PPM1D: variants seen among roughly 807,000 people sequenced by gnomAD.
The protein encoded by PPM1D is protein phosphatase, Mg2+/Mn2+ dependent 1D, also known as protein phosphatase 1D.
In PPM1D, 52 loss-of-function variants were observed where a neutral mutation model predicts 58.3. That is an observed-to-expected ratio of 0.89 (90% CI 0.71 to 1.12). PPM1D has a LOEUF of 1.12. Ranked by LOEUF, PPM1D falls within the 50% of genes most tolerant of loss-of-function variation. The probability of loss-of-function intolerance (pLI) is 0.00; values close to 1 mark genes in which losing one functional copy is unlikely to be tolerated. For synonymous variants in PPM1D, 278 were observed against 285.1 expected (o/e 0.98, Z 0.25); for missense variants, 564 against 777.2 (o/e 0.73, Z 3.26).
chr17:60,631,051 A>G (rs927980892), intron 2 of PPM1D, among the ~76,000 whole-genome samples: 1 of 152,198 alleles, frequency 6.6e-6, no homozygotes, highest in Non-Finnish European at 1.5e-5. Context: ...ACTTATTTAA[A>G]CTAGTTCTTG....
intron 2 of PPM1D, among the ~76,000 whole-genome samples, chr17:60,628,876 C>T (rs1053507275): frequency 3.3e-5 from 5 of 152,090 alleles, no homozygotes; most frequent in African/African-American, 4.8e-5. Context: ...TGCCAGTACT[C>T]GTATGGTTTC....
At position 60,636,966 on chromosome 17, in the gene PPM1D, GA is replaced by G. The variant is rs1325008975; in HGVS notation, c.826+2990del. Among the ~76,000 whole-genome samples the G allele has an allele frequency of 1.9e-3, 199 of 106,988 alleles. 1 individual carries two copies. The highest frequency in any genetic ancestry group is 5.2e-3 in the African/African-American group (188 of 36,498). The allele number at this position is 106,988 out of a possible 152,430, so 70.2% of individuals were successfully genotyped here. A position where few individuals can be genotyped will look rare whatever the true frequency, so the allele number is the denominator to read the frequency against. ...GTGCGACAGCGCTCAGCCTACTCAT[GA>G]TTTTTTTTTTTTTTTTTTTAGACAG... On this transcript the variant is annotated intron_variant, in intron 3 of 5. Transcript: ENST00000305921.
At chr17:60,632,284 G>A (rs548985633) in intron 2 of PPM1D, among the ~76,000 whole-genome samples, 1 of 151,944 alleles carries the variant, frequency 6.6e-6, no homozygotes, top group African/African-American at 2.4e-5. Context: ...TCTTACTCTT[G>A]TAACTCCCAA....
intron 1 of PPM1D, among the ~76,000 whole-genome samples, chr17:60,613,485 C>T (rs538490390): frequency 8.5e-5 from 13 of 152,382 alleles, no homozygotes; most frequent in African/African-American, 3.1e-4. Flanking sequence ...CTCTCAGCGC[C>T]TCCTCAGCCT....
chr17:60,645,562 GTATATATATGTA>G (rs1452517535), intron 3 of PPM1D, among the ~76,000 whole-genome samples: 1 of 132,634 alleles, frequency 7.5e-6, no homozygotes. Flanking sequence ...ATATGTGTGT[GTATATATATGTA>G]TATATATATG....
chr17:60,608,383 C>T (rs1378064100), intron 1 of PPM1D, among the ~76,000 whole-genome samples: 7 of 152,186 alleles, frequency 4.6e-5, no homozygotes, highest in Admixed American at 4.6e-4. Flanking sequence ...ATTACCAGGC[C>T]GGGCATGGTG....
rs1381482637 is a variant in PPM1D, at chr17:60,645,452, A to ATGTG, written c.827-2439_827-2438insGTGT. Among the ~76,000 whole-genome samples, 24 of 108,346 alleles carry ATGTG rather than the reference A, an allele frequency of 2.2e-4. No individual in the cohort carries two copies. The Admixed American group carries it at 2.3e-3, about 10-fold the overall frequency. The allele number at this position is 108,346 out of a possible 152,430, so 71.1% of individuals were successfully genotyped here. A position where few individuals can be genotyped will look rare whatever the true frequency, so the allele number is the denominator to read the frequency against. ...TGGTTTCACCAAAGCAATGTAAAATATATATGTGTGTGTGTGTGTGTGTGT... is the reference window on the plus strand; with the variant it reads ...TGGTTTCACCAAAGCAATGTAAAATATGTGTATATGTGTGTGTGTGTGTGTGTGT... On this transcript the variant is annotated intron_variant, in intron 3 of 5. Coordinates refer to ENST00000305921, the MANE Select transcript of PPM1D (RefSeq NM_003620.4).
In PPM1D at chr17:60,600,274, C is replaced by A. The variant is rs1335981607; in HGVS notation, c.-141C>A. On this transcript the variant is annotated 5_prime_UTR_variant, in exon 1 of 6. Transcript: ENST00000305921. ...GCGGACAAGTCCAGACATCGCGCGC[C>A]CCCCCTTCTCCGGGTCCGCCCCCTC... The A allele has an allele frequency of 3.0e-5, 42 of 1,415,988 alleles. No individual in the cohort carries two copies. The Admixed American group carries it at 1.1e-3, about 38-fold the overall frequency. 87.7% of individuals were successfully genotyped at this position (1,415,988 alleles called of 1,614,324 possible). A position where few individuals can be genotyped will look rare whatever the true frequency, so the allele number is the denominator to read the frequency against.
chr17:60,640,876 T>C (rs2031120570), intron 3 of PPM1D, among the ~76,000 whole-genome samples: 1 of 152,182 alleles, frequency 6.6e-6, no homozygotes, highest in Non-Finnish European at 1.5e-5. Flanking sequence ...ATTGGATTAA[T>C]TTACTTAGGA....
rs540693788 is a variant in PPM1D at position 60,662,694 on chromosome 17, G to C, written c.1261-301G>C. On this transcript the variant is annotated intron_variant, in intron 5 of 5. Coordinates refer to ENST00000305921, the MANE Select transcript of PPM1D (RefSeq NM_003620.4). ...TCTTATTTTTGTTTACCTGCCAATG[G>C]ATAGAAAATGCTTGTGACCACGTGA... 3.8e-4 allele frequency among the ~76,000 whole-genome samples: 58 copies of C among 152,192 alleles called. No homozygotes were observed. In the South Asian group the frequency reaches 5.2e-3, roughly 14 times the overall value.
At position 60,665,346 on chromosome 17, in the gene PPM1D, A is replaced by G. The variant is rs2031599056; in HGVS notation, c.*1794A>G. 6.6e-6 allele frequency: 1 copy of G among 152,142 alleles called. No individual in the cohort carries two copies. Among genetic ancestry groups the G allele is most frequent in the African/African-American group, 2.4e-5 (1 of 41,414 alleles). The allele number at this position is 152,142 out of a possible 1,614,324, so 9.4% of individuals were successfully genotyped here. On this transcript the variant is annotated 3_prime_UTR_variant, in exon 6 of 6. Transcript: ENST00000305921. Reference sequence around the variant, plus strand: ...TGTCTCAGCCTCCTGAGTAGCTGGAACTACAGGTGCGTGCCACCATGCCTG... The same window carrying G: ...TGTCTCAGCCTCCTGAGTAGCTGGAGCTACAGGTGCGTGCCACCATGCCTG...
At chr17:60,645,456 A>ATATG (rs1555647633) in intron 3 of PPM1D, among the ~76,000 whole-genome samples, 103 of 123,942 alleles carry the variant, frequency 8.3e-4, no homozygotes, top group African/African-American at 2.6e-3. Flanking sequence ...TAAAATATAT[A>ATATG]TGTGTGTGTG....
intron 4 of PPM1D, among the ~76,000 whole-genome samples, chr17:60,656,128 C>T (rs2031434381): frequency 6.6e-6 from 1 of 152,000 alleles, no homozygotes; most frequent in Non-Finnish European, 1.5e-5. Flanking sequence ...ATTATTTTAA[C>T]ATGGCTAAGG....
intron 3 of PPM1D, among the ~76,000 whole-genome samples, chr17:60,640,800 T>G (rs2031118978): frequency 6.6e-6 from 1 of 152,156 alleles, no homozygotes; most frequent in African/African-American, 2.4e-5. Context: ...TATTTGGCTT[T>G]CTTTTCCTAA....
chr17:60,608,250 C>G (rs7217833), intron 1 of PPM1D, among the ~76,000 whole-genome samples: 1 of 152,120 alleles, frequency 6.6e-6, no homozygotes, highest in African/African-American at 2.4e-5. Flanking sequence ...TTTAAATTCT[C>G]ATTAGTTTCT....
rs1418695370 is a variant in PPM1D, at chr17:60,664,306, T to TA, written c.*757dup. 2 of 152,676 alleles carry TA rather than the reference T, an allele frequency of 1.3e-5. No individual in the cohort carries two copies. The highest frequency in any genetic ancestry group is 2.9e-5 in the Non-Finnish European group (2 of 68,036). The allele number at this position is 152,676 out of a possible 1,614,324, so 9.5% of individuals were successfully genotyped here. A position where few individuals can be genotyped will look rare whatever the true frequency, so the allele number is the denominator to read the frequency against. ...CCAGACCAATGGCATTATTAGGTCT[T>TA]AAAGTAGTTACTCCCTTCTCGTGTT... On this transcript the variant is annotated 3_prime_UTR_variant, in exon 6 of 6. Transcript: ENST00000305921.
rs149931676 is a variant in PPM1D, at chr17:60,640,471, C to T, written c.826+6494C>T. Among the ~76,000 whole-genome samples, 750 of 152,240 alleles carry T rather than the reference C, an allele frequency of 4.9e-3. 30 individuals carry two copies. The highest frequency in any genetic ancestry group is 0.045 in the Admixed American group (689 of 15,296). On this transcript the variant is annotated intron_variant, in intron 3 of 5. Coordinates refer to ENST00000305921, the MANE Select transcript of PPM1D (RefSeq NM_003620.4). ...GCATGTGGTTCATTGATGTTACGTA[C>T]GGTTACACTGTTTTGCAACTGTCAT...
intron 3 of PPM1D, among the ~76,000 whole-genome samples, chr17:60,637,743 G>C (rs939458205): frequency 2.0e-5 from 3 of 151,994 alleles, no homozygotes; most frequent in Admixed American, 6.6e-5. Flanking sequence ...GTTAAGACTC[G>C]GGGGATGTGC....
chr17:60,606,171 T>A (rs1439600207), intron 1 of PPM1D, among the ~76,000 whole-genome samples: 1 of 152,240 alleles, frequency 6.6e-6, no homozygotes, highest in Admixed American at 6.5e-5. Flanking sequence ...CTTTTGTGTC[T>A]GACTTATTTT....
Sources: allele counts gnomAD v4.1 joint callset (sites outside exome capture counted in the v4.1 genomes callset), GRCh38; gene constraint gnomAD v4.1.1; transcripts MANE v1.5; gene names NCBI Gene and HGNC (gene_info 2026-07-23, HGNC 2026-07-21).